The following XPO1 variants were observed in gnomAD, a reference collection of about 807,000 sequenced individuals.
XPO1 encodes exportin-1.
A neutral mutation model predicts 133.3 loss-of-function variants in XPO1; 5 were observed. The observed-to-expected ratio is 0.04, with a 90% confidence interval of 0.02 to 0.08. The LOEUF is 0.08. XPO1 is among the 10% of genes least tolerant of loss of function. XPO1 has a pLI of 1.00. For missense variants in XPO1, 506 were observed against 1,267.5 expected (o/e 0.40, Z 9.12); for synonymous variants, 419 against 408.2 (o/e 1.03, Z -0.32).
At chr2:61,482,113 C>CG (rs1319150171) in intron 23 of XPO1, among the ~76,000 whole-genome samples, 1 of 149,050 alleles carries the variant, frequency 6.7e-6, no homozygotes, top group East Asian at 2.0e-4. Context: ...TACAGTGGTG[C>CG]GATCATAGCT....
At chr2:61,516,476 G>A (rs1044535446) in intron 4 of XPO1, among the ~76,000 whole-genome samples, 1 of 151,802 alleles carries the variant, frequency 6.6e-6, no homozygotes, top group Non-Finnish European at 1.5e-5. Context: ...GTGCAATGGC[G>A]CGATCTCAGC....
At position 61,533,752 on chromosome 2, in the gene XPO1, G is replaced by A. The variant is rs750936654; in HGVS notation, c.126+20C>T. 1.3e-6 allele frequency: 2 copies of A among 1,571,068 alleles called. No individual in the cohort carries two copies. Among genetic ancestry groups the A allele is most frequent in the Non-Finnish European group, 1.7e-6 (2 of 1,161,638 alleles). On this transcript the variant is annotated intron_variant, in intron 2 of 24. Coordinates refer to ENST00000401558, the MANE Select transcript of XPO1 (RefSeq NM_003400.4). ...TGTTACACTGTCATAATGTTATAAA[G>A]TTTTGGTTGGCTACTTTACCTGGGC...
chr2:61,495,208 T>G (rs951570138), intron 11 of XPO1, among the ~76,000 whole-genome samples: 4 of 152,130 alleles, frequency 2.6e-5, no homozygotes. Flanking sequence ...ATTTTAACCT[T>G]AGAAATGATA....
At chr2:61,535,898 A>G (rs1256206779) in intron 1 of XPO1, among the ~76,000 whole-genome samples, 1 of 152,258 alleles carries the variant, frequency 6.6e-6, no homozygotes, top group Non-Finnish European at 1.5e-5. Flanking sequence ...TTAAAAGATC[A>G]GAACAATCTT....
intron 24 of XPO1, among the ~76,000 whole-genome samples, chr2:61,479,621 T>C (rs2104212857): frequency 6.6e-6 from 1 of 152,314 alleles, no homozygotes; most frequent in Middle Eastern, 3.4e-3. Flanking sequence ...AGAGTCTTGT[T>C]CTGTAGCCCC....
At chr2:61,493,566 T>C in intron 12 of XPO1, 1 of 236,634 alleles carries the variant, frequency 4.2e-6, no homozygotes. Flanking sequence ...ATTATTTAAG[T>C]GTGTTTTAAT....
chr2:61,482,919 A>G (rs752513866), intron 22 of XPO1, 38 bp downstream of exon 22: 2 of 1,611,782 alleles, frequency 1.2e-6, no homozygotes, highest in African/African-American at 2.7e-5. Context: ...CCCTGTGCCC[A>G]GCTGGCACTT....
chr2:61,524,804 G>C (rs1416711597), intron 3 of XPO1, among the ~76,000 whole-genome samples: 1 of 152,192 alleles, frequency 6.6e-6, no homozygotes, highest in Non-Finnish European at 1.5e-5. Flanking sequence ...TGTAGCCCTA[G>C]CTACTCAGAA....
intron 10 of XPO1, among the ~76,000 whole-genome samples, chr2:61,496,186 A>G (rs1408280925): frequency 6.6e-6 from 1 of 152,064 alleles, no homozygotes; most frequent in Non-Finnish European, 1.5e-5. Flanking sequence ...ATTCATTCAG[A>G]TCACAAACAT....
At chr2:61,479,274 C>G (rs1424156280) in intron 24 of XPO1, among the ~76,000 whole-genome samples, 1 of 151,954 alleles carries the variant, frequency 6.6e-6, no homozygotes, top group Non-Finnish European at 1.5e-5. Flanking sequence ...CCCTGGCCAA[C>G]ATGGTGAAAC....
Position 61,488,686 on chromosome 2 carries a change from C to G in XPO1, c.2108G>C (p.Gly703Ala), listed in dbSNP as rs2104387496. 2.5e-6 allele frequency: 4 copies of G among 1,614,208 alleles called. No homozygotes were observed. Among genetic ancestry groups the G allele is most frequent in the Non-Finnish European group, 3.4e-6 (4 of 1,180,040 alleles). The change falls in exon 18 of 25, where the codon GGA becomes GCA. Residue 703 changes from glycine to alanine, a missense_variant. Coordinates refer to ENST00000401558, the MANE Select transcript of XPO1 (RefSeq NM_003400.4). ...TCCAAGCTGAATTACAAAGGGGTGT[C>G]CAACAGCTTTGCAGGCTCTCACATT... ...KTNVRACKAVGHPFVIQLGRI... is the reference protein window; with the variant it reads ...KTNVRACKAVAHPFVIQLGRI...
chr2:61,482,558 T>A lies in XPO1; in HGVS notation c.2813-19A>T, dbSNP rs1696439306. The A allele has an allele frequency of 7.7e-6, 12 of 1,559,672 alleles. No homozygotes were observed. Among genetic ancestry groups the A allele is most frequent in the South Asian group, 1.2e-5 (1 of 83,894 alleles). ...GTTAAACCTGTTGATAAGAAGAAAA[T>A]TATTAACTCCAAAATGTAATATAAC... On this transcript the variant is annotated intron_variant, in intron 22 of 24. Transcript: ENST00000401558.
In XPO1 at chr2:61,526,145, C is replaced by T. The variant is rs959457470; in HGVS notation, c.228+275G>A. 260 of 1,170,394 alleles carry T rather than the reference C, an allele frequency of 2.2e-4. No individual in the cohort carries two copies. In the Middle Eastern group the frequency reaches 4.9e-3, roughly 22 times the overall value. The allele number at this position is 1,170,394 out of a possible 1,614,324, so 72.5% of individuals were successfully genotyped here. A position where few individuals can be genotyped will look rare whatever the true frequency, so the allele number is the denominator to read the frequency against. Reference sequence around the variant, plus strand: ...CTCTGAATAACATTCAGAATTTATGCTACTTAGACCTGTATACATATACTA... The same window carrying T: ...CTCTGAATAACATTCAGAATTTATGTTACTTAGACCTGTATACATATACTA... On this transcript the variant is annotated intron_variant, in intron 3 of 24. Transcript: ENST00000401558.
intron 2 of XPO1, among the ~76,000 whole-genome samples, chr2:61,530,001 A>G (rs1370613527): frequency 6.6e-6 from 1 of 152,236 alleles, no homozygotes; most frequent in Non-Finnish European, 1.5e-5. Flanking sequence ...GTCATATGAG[A>G]AATGACAGAA....
chr2:61,512,808 AGACTGGCG>A (rs1698158323), intron 4 of XPO1, among the ~76,000 whole-genome samples: 2 of 152,220 alleles, frequency 1.3e-5, no homozygotes, highest in African/African-American at 4.8e-5. Context: ...TGGGAGGCTG[AGACTGGCG>A]GATCACTTGA....
chr2:61,524,729 C>A (rs375420419), intron 3 of XPO1, among the ~76,000 whole-genome samples: 19 of 152,276 alleles, frequency 1.2e-4, no homozygotes, highest in East Asian at 1.2e-3. Context: ...TCAGCCTGAG[C>A]AACACAGGGA....
rs13385575 is a variant in XPO1, at chr2:61,484,076, C to T, written c.2538G>A (p.Thr846=). 3.7e-3 allele frequency: 5,958 copies of T among 1,613,336 alleles called. 173 individuals carry two copies. In the African/African-American group the frequency reaches 0.065, roughly 18 times the overall value. The change falls in exon 21 of 25, where the codon ACG becomes ACA. Residue 846 remains threonine, a synonymous_variant. Coordinates refer to ENST00000401558, the MANE Select transcript of XPO1 (RefSeq NM_003400.4). ...CAGCCTGAAGTAGTAAGAAAAAGTT[C>T]GTTCTATGTTCAGGATATTCTTCAA... ...KDFEEYPEHR[T]NFFLLLQAVN...
intron 4 of XPO1, among the ~76,000 whole-genome samples, chr2:61,518,400 C>CA (rs919854716): frequency 9.7e-6 from 1 of 102,624 alleles, no homozygotes; most frequent in Non-Finnish European, 2.0e-5. Context: ...AAAAAAAAAA[C>CA]AAAAAACAAA....
chr2:61,506,186 C>T (rs1206140778), intron 4 of XPO1, among the ~76,000 whole-genome samples: 1 of 152,082 alleles, frequency 6.6e-6, no homozygotes, highest in Admixed American at 6.6e-5. Flanking sequence ...TCTGGAAGGC[C>T]GAGGCAGGCA....
Sources: allele counts gnomAD v4.1 joint callset (sites outside exome capture counted in the v4.1 genomes callset), GRCh38; gene constraint gnomAD v4.1.1; transcripts MANE v1.5; gene names NCBI Gene and HGNC (gene_info 2026-07-23, HGNC 2026-07-21).